The following MCTP2 variants were observed in gnomAD, a reference collection of about 807,000 sequenced individuals.
MCTP2 encodes the protein multiple C2 and transmembrane domain containing 2, also known as multiple C2 and transmembrane domain-containing protein 2.
A neutral mutation model predicts 111.6 loss-of-function variants in MCTP2; 132 were observed. That is an observed-to-expected ratio of 1.18 (90% CI 1.03 to 1.37). The LOEUF is 1.37. Ranked by LOEUF, MCTP2 falls within the 40% of genes most tolerant of loss-of-function variation. MCTP2 has a pLI of 0.00. For synonymous variants in MCTP2, 395 were observed against 387.7 expected (o/e 1.02, Z -0.22); for missense variants, 1,183 against 1,067.9 (o/e 1.11, Z -1.50).
At chr15:94,277,444 A>T (rs1242375756) in intron 1 of MCTP2, among the ~76,000 whole-genome samples, 4 of 152,308 alleles carry the variant, frequency 2.6e-5, no homozygotes, top group South Asian at 4.1e-4. Context: ...CAGTAGTCAA[A>T]TGGATAAACT....
At chr15:94,243,852 T>C (rs557634596) in intron 1 of MCTP2, among the ~76,000 whole-genome samples, 1 of 148,242 alleles carries the variant, frequency 6.7e-6, no homozygotes, top group Non-Finnish European at 1.5e-5. Flanking sequence ...TACACATATA[T>C]GTATACACAT....
At chr15:94,325,812 A>ATTGTTTTTTTTTTTTT (rs2076837646) in intron 4 of MCTP2, among the ~76,000 whole-genome samples, 1 of 91,878 alleles carries the variant, frequency 1.1e-5, no homozygotes, top group African/African-American at 4.5e-5. Flanking sequence ...CATCGCTCCG[A>ATTGTTTTTTTTTTTTT]TTTTTTTTTT....
chr15:94,324,139 C>T (rs2076745748), intron 4 of MCTP2, among the ~76,000 whole-genome samples: 1 of 152,162 alleles, frequency 6.6e-6, no homozygotes, highest in Admixed American at 6.5e-5. Context: ...GGGTCCATTT[C>T]CCATGGGAAG....
At chr15:94,256,282 G>T (rs1027158073) in intron 1 of MCTP2, among the ~76,000 whole-genome samples, 13 of 151,974 alleles carry the variant, frequency 8.6e-5, no homozygotes, top group Admixed American at 7.2e-4. Context: ...TTAGACTTGG[G>T]TCCTGTCCCC....
At chr15:94,246,218 A>C (rs758329342) in intron 1 of MCTP2, among the ~76,000 whole-genome samples, 4 of 152,174 alleles carry the variant, frequency 2.6e-5, no homozygotes, top group African/African-American at 4.8e-5. Flanking sequence ...GAGGTGTCAG[A>C]GACTGAAGGA....
chr15:94,239,706 G>T (rs1242777712), intron 1 of MCTP2, among the ~76,000 whole-genome samples: 1 of 152,226 alleles, frequency 6.6e-6, no homozygotes, highest in Non-Finnish European at 1.5e-5. Flanking sequence ...TAAGCCTCAT[G>T]TGAGTTGGCA....
At position 94,349,929 on chromosome 15, in the gene MCTP2, CTATT is replaced by C. The variant is rs889554348; in HGVS notation, c.1005+4770_1005+4773del. 9.9e-4 allele frequency among the ~76,000 whole-genome samples: 150 copies of C among 151,930 alleles called. 1 individual carries two copies. The highest frequency in any genetic ancestry group is 3.6e-3 in the African/African-American group (147 of 41,408). On this transcript the variant is annotated intron_variant, in intron 8 of 22. Coordinates refer to ENST00000357742, the MANE Select transcript of MCTP2 (RefSeq NM_001385001.1). Reference sequence around the variant, plus strand: ...TGTGGCATATGGTAAGATCTCCAAACTATTTATTGTAGGACTCTAAACAGCTTGC... The same window carrying C: ...TGTGGCATATGGTAAGATCTCCAAACTATTGTAGGACTCTAAACAGCTTGC...
Position 94,269,904 on chromosome 15 carries a change from T to TA in MCTP2, c.-65-28289dup, listed in dbSNP as rs1255943858. On this transcript the variant is annotated intron_variant, in intron 1 of 22. Coordinates refer to ENST00000357742, the MANE Select transcript of MCTP2 (RefSeq NM_001385001.1). ...AGTTTGAAGTAAGGGAAGATACCTCTAAAAAAAAGGTTCAACTCTAAAGCG... is the reference window on the plus strand; with the variant it reads ...AGTTTGAAGTAAGGGAAGATACCTCTAAAAAAAAAGGTTCAACTCTAAAGCG... Among the ~76,000 whole-genome samples, 4 of 151,950 alleles carry TA rather than the reference T, an allele frequency of 2.6e-5. No individual in the cohort carries two copies. In the East Asian group the frequency reaches 5.8e-4, roughly 22 times the overall value.
intron 18 of MCTP2, among the ~76,000 whole-genome samples, chr15:94,441,559 T>C (rs1002823633): frequency 6.6e-6 from 1 of 152,200 alleles, no homozygotes; most frequent in Non-Finnish European, 1.5e-5. Context: ...TACATGTGCA[T>C]ATTAATATAC....
chr15:94,424,570 T>C (rs1258125104), intron 17 of MCTP2, among the ~76,000 whole-genome samples: 1 of 152,224 alleles, frequency 6.6e-6, no homozygotes, highest in African/African-American at 2.4e-5. Flanking sequence ...GTTTGAGATC[T>C]ACTGCTCTAG....
chr15:94,254,615 A>AT (rs1395102230), intron 1 of MCTP2, among the ~76,000 whole-genome samples: 2 of 152,166 alleles, frequency 1.3e-5, no homozygotes, highest in East Asian at 1.9e-4. Flanking sequence ...CACTGGTTTG[A>AT]TTTTTTTGCA....
chr15:94,476,513 T>C (rs1161341495), intron 21 of MCTP2, 183 bp from the exon 22 acceptor site: 19 of 472,554 alleles, frequency 4.0e-5, no homozygotes, highest in Admixed American at 1.9e-4. Flanking sequence ...TGGTAATTGT[T>C]TTCACACTAA....
At chr15:94,355,528 G>C (rs534774342) in intron 8 of MCTP2, among the ~76,000 whole-genome samples, 2 of 152,320 alleles carry the variant, frequency 1.3e-5, no homozygotes, top group African/African-American at 4.8e-5. Context: ...CTGGGTCCCA[G>C]GTGCAGTGAG....
intron 1 of MCTP2, among the ~76,000 whole-genome samples, chr15:94,257,701 C>T (rs568643603): frequency 2.9e-4 from 43 of 148,672 alleles, no homozygotes; most frequent in African/African-American, 1.1e-3. Context: ...ATTCTCCTGC[C>T]TCAGCTTCCT....
At chr15:94,260,598 C>T (rs187449466) in intron 1 of MCTP2, among the ~76,000 whole-genome samples, 5 of 152,164 alleles carry the variant, frequency 3.3e-5, no homozygotes, top group Admixed American at 2.0e-4. Flanking sequence ...TTGAAAAGAC[C>T]GTTGCTCTGG....
At position 94,367,616 on chromosome 15, in the gene MCTP2, A is replaced by T. The variant is rs771663131; in HGVS notation, c.1313A>T (p.Asp438Val). Residue 438 changes from aspartate (D) to valine (V), a missense_variant, in exon 11 of 23, where the codon GAT becomes GTT. By Grantham distance (152) the Asp-to-Val change is radical (BLOSUM62 -3). Coordinates refer to ENST00000357742, the MANE Select transcript of MCTP2 (RefSeq NM_001385001.1). Reference sequence around the variant, plus strand: ...TGAAACTTTTCTAGGTGTAAAGTGGATATCTCGGCACTCCCTCTGAAGCAA... The same window carrying T: ...TGAAACTTTTCTAGGTGTAAAGTGGTTATCTCGGCACTCCCTCTGAAGCAA... ...HEERLGTCKVDISALPLKQAN... is the reference protein window; with the variant it reads ...HEERLGTCKVVISALPLKQAN... 6.2e-6 allele frequency: 10 copies of T among 1,610,270 alleles called. No homozygotes were observed. The highest frequency in any genetic ancestry group is 8.5e-6 in the Non-Finnish European group (10 of 1,178,374).
intron 17 of MCTP2, among the ~76,000 whole-genome samples, chr15:94,430,359 T>A (rs1222716240): frequency 1.4e-5 from 2 of 144,316 alleles, no homozygotes; most frequent in African/African-American, 5.2e-5. Flanking sequence ...GCTGCCTTTT[T>A]AAAAAAAAAC....
intron 8 of MCTP2, among the ~76,000 whole-genome samples, chr15:94,350,296 T>C (rs2078233745): frequency 6.6e-6 from 1 of 152,122 alleles, no homozygotes; most frequent in South Asian, 2.1e-4. Flanking sequence ...AAACATAAAA[T>C]GGCATCCGGG....
chr15:94,467,975 G>C lies in MCTP2; in HGVS notation c.2361-2358G>C, dbSNP rs770070100. 6.6e-5 allele frequency among the ~76,000 whole-genome samples: 10 copies of C among 152,330 alleles called. No individual in the cohort carries two copies. In the South Asian group the frequency reaches 1.7e-3, roughly 25 times the overall value. On this transcript the variant is annotated intron_variant, in intron 20 of 22. Transcript: ENST00000357742. ...ATCAGTTGGTGGAGTCACATCACTG[G>C]ATGAGGGGAGGGCTTTGGTAAGCCT...
Sources: allele counts gnomAD v4.1 joint callset (sites outside exome capture counted in the v4.1 genomes callset), GRCh38; gene constraint gnomAD v4.1.1; transcripts MANE v1.5; gene names NCBI Gene and HGNC (gene_info 2026-07-23, HGNC 2026-07-21).